SMG5: variants seen among roughly 807,000 people sequenced by gnomAD.
The protein encoded by SMG5 is SMG5 nonsense mediated mRNA decay factor.
SMG5 carries 53 observed loss-of-function variants against 122.9 expected under a neutral mutation model. The observed-to-expected ratio is 0.43, with a 90% CI of 0.35 to 0.54. The LOEUF (loss-of-function observed/expected upper bound fraction) is 0.54, where lower values mean the gene tolerates loss of function less well. Among genes scored for constraint, SMG5 ranks in the 20% least tolerant of loss-of-function variants. The pLI is 0.01. For missense variants in SMG5, 1,153 were observed against 1,285.6 expected, an observed-to-expected ratio of 0.90 and a Z score of 1.58; for synonymous variants, 477 against 490.2, an observed-to-expected ratio of 0.97 and a Z score of 0.35.
chr1:156,266,269 A>G lies in SMG5; in HGVS notation c.1367T>C (p.Leu456Pro). The G allele has an allele frequency of 6.2e-7, 1 of 1,614,102 alleles. No homozygotes were observed. Among genetic ancestry groups the G allele is most frequent in the Non-Finnish European group, 8.5e-7 (1 of 1,180,024 alleles). The change falls in exon 12 of 22, where the codon CTC becomes CCC. Residue 456 changes from leucine (L) to proline (P), a missense_variant. Leu to Pro is a moderately conservative substitution (Grantham distance 98, BLOSUM62 -3). Coordinates refer to ENST00000361813, the MANE Select transcript of SMG5 (RefSeq NM_015327.3). The stretch of plus-strand genomic sequence containing the variant: ...GTGGCGGCGACGGCGGAGACAGGAG[A>G]GGCGAGAGAACTTACGGCTCTTTCT... The part of the protein sequence containing the change: ...EGRKSRKFSR[L>P]SCLRRRRHPP...
chr1:156,251,136 G>A (rs1442750510), intron 20 of SMG5, 140 bp from the exon 21 acceptor site: 2 of 1,169,116 alleles, frequency 1.7e-6, no homozygotes, highest in East Asian at 4.7e-5. Flanking sequence ...TGGCCCTGGA[G>A]ACATATGGGG....
rs865810251 is a variant in SMG5 at position 156,282,784 on chromosome 1, G to C, written c.-104C>G. On this transcript the variant is annotated 5_prime_UTR_variant, in exon 1 of 22. Coordinates refer to ENST00000361813, the MANE Select transcript of SMG5 (RefSeq NM_015327.3). The stretch of plus-strand genomic sequence containing the variant: ...GTAGCCGCAGCCGCCGCCGCCACCG[G>C]CCCTGCTCGGCCGCCATCGCTGTGA... The C allele has an allele frequency of 8.0e-7, 1 of 1,253,322 alleles. No individual in the cohort carries two copies. The highest frequency in any genetic ancestry group is 1.1e-6 in the Non-Finnish European group (1 of 929,654). The allele number at this position is 1,253,322 out of a possible 1,614,324, so 77.6% of individuals were successfully genotyped here. A position where few individuals can be genotyped will look rare whatever the true frequency, so the allele number is the denominator to read the frequency against.
At chr1:156,285,713 C>T (rs201308002), upstream of SMG5, 37 of 1,613,312 alleles carry the variant, frequency 2.3e-5, no homozygotes, top group Non-Finnish European at 2.9e-5. Flanking sequence ...CATGCCCCCC[C>T]GGGTCACCCA....
chr1:156,281,996 C>G (rs1662972297), intron 1 of SMG5, among the ~76,000 whole-genome samples: 2 of 152,196 alleles, frequency 1.3e-5, no homozygotes, highest in South Asian at 4.1e-4. Flanking sequence ...CCGGAATTGC[C>G]TCCCAAATCC....
At chr1:156,254,537 G>A (rs1360292573) in intron 16 of SMG5, among the ~76,000 whole-genome samples, 2 of 152,030 alleles carry the variant, frequency 1.3e-5, no homozygotes, top group East Asian at 1.9e-4. Context: ...TCTGCCTCCC[G>A]GGCTCAAATG....
At chr1:156,285,596 AAAGC>A, upstream of SMG5, 2 of 1,614,224 alleles carry the variant, frequency 1.2e-6, no homozygotes, top group Non-Finnish European at 1.7e-6. Flanking sequence ...GCTGCCTGAG[AAAGC>A]GGCCCGTGCC....
intron 13 of SMG5, among the ~76,000 whole-genome samples, chr1:156,262,718 T>C (rs1040754985): frequency 6.6e-6 from 1 of 152,128 alleles, no homozygotes; most frequent in East Asian, 1.9e-4. Context: ...TCATCAGACA[T>C]AAGCACACAC....
chr1:156,272,150 T>A (rs1662464809), intron 7 of SMG5, among the ~76,000 whole-genome samples, 170 bp downstream of exon 7: 1 of 152,178 alleles, frequency 6.6e-6, no homozygotes, highest in African/African-American at 2.4e-5. Context: ...AGCGGTTATG[T>A]GAAAAGCAGC....
At position 156,266,633 on chromosome 1, in the gene SMG5, A is replaced by C. The variant is rs868233310; in HGVS notation, c.1163T>G (p.Phe388Cys). The C allele has an allele frequency of 3.7e-6, 6 of 1,614,126 alleles. No individual in the cohort carries two copies. In the Middle Eastern group the frequency reaches 9.9e-4, roughly 266 times the overall value. Residue 388 changes from phenylalanine to cysteine, a missense_variant, in exon 11 of 22, where the codon TTT becomes TGT. This residue lies in a region of SMG5 where 631 missense variants were observed against 650.6 expected (regional missense o/e 0.97). Transcript: ENST00000361813. ...GTTGACATGATTGACGAGGTGGGAA[A>C]AGAGGGCCAGGGTGAAGGCAATGGC... ...SAAIAFTLALFSHLVNHVNIR... is the reference protein window; with the variant it reads ...SAAIAFTLALCSHLVNHVNIR...
rs748450638 is a variant in SMG5, at chr1:156,261,444, G to C, written c.2032-36C>G. ...AGAAGGGAGAGGAGGCCTTCAGCTAGAGACAGTGGTGGAGAACAGCAGTGA... is the reference window on the plus strand; with the variant it reads ...AGAAGGGAGAGGAGGCCTTCAGCTACAGACAGTGGTGGAGAACAGCAGTGA... On this transcript the variant is annotated intron_variant, in intron 13 of 21. Coordinates refer to ENST00000361813, the MANE Select transcript of SMG5 (RefSeq NM_015327.3). 23 of 1,574,306 alleles carry C rather than the reference G, an allele frequency of 1.5e-5. No individual in the cohort carries two copies. The South Asian group carries it at 1.8e-4, about 12-fold the overall frequency.
In SMG5 at chr1:156,266,607, T is replaced by C. The variant is rs767697196; in HGVS notation, c.1189A>G (p.Ile397Val). Residue 397 changes from isoleucine (I) to valine (V), a missense_variant, in exon 11 of 22, where the codon ATA (isoleucine) becomes GTA (valine). Transcript: ENST00000361813. ...TCTTCCAGCTCAGCCTGCAGCCGTA[T>C]GTTGACATGATTGACGAGGTGGGAA... The part of the protein sequence containing the change: ...LFSHLVNHVN[I>V]RLQAELEEGE... 3 of 1,614,148 alleles carry C rather than the reference T, an allele frequency of 1.9e-6. No individual in the cohort carries two copies. The highest frequency in any genetic ancestry group is 2.2e-5 in the South Asian group (2 of 91,084).
At chr1:156,258,373 A>G (rs543920185) in intron 16 of SMG5, among the ~76,000 whole-genome samples, 1 of 152,356 alleles carries the variant, frequency 6.6e-6, no homozygotes, top group African/African-American at 2.4e-5. Flanking sequence ...GTTTGTTCCC[A>G]CATAACTGAC....
intron 16 of SMG5, among the ~76,000 whole-genome samples, chr1:156,254,416 T>C (rs1433653722): frequency 1.3e-5 from 2 of 152,196 alleles, no homozygotes; most frequent in Admixed American, 1.3e-4. Flanking sequence ...CTGTAAGATA[T>C]GGGGAGCCAC....
intron 10 of SMG5, 123 bp from the exon 11 acceptor site, chr1:156,266,801 CTTTTTTT>C (rs370875877): frequency 3.4e-6 from 3 of 886,450 alleles, no homozygotes; most frequent in Non-Finnish European, 4.8e-6. Flanking sequence ...ATCAAAGATT[CTTTTTTT>C]TTTTTTTTTA....
intron 1 of SMG5, 69 bp downstream of exon 1, chr1:156,282,538 G>A: frequency 1.5e-6 from 2 of 1,333,280 alleles, no homozygotes; most frequent in Non-Finnish European, 2.0e-6. Context: ...CCGCCCGCCC[G>A]GGAGGCCCCG....
intron 7 of SMG5, among the ~76,000 whole-genome samples, chr1:156,270,938 C>T (rs200142977): frequency 1.3e-4 from 19 of 150,866 alleles, no homozygotes; most frequent in East Asian, 3.9e-4. Flanking sequence ...ACCCGGGAGG[C>T]GGAGGTTGCA....
intron 12 of SMG5, 128 bp downstream of exon 12, chr1:156,265,653 C>G (rs933091243): frequency 7.2e-7 from 1 of 1,395,808 alleles, no homozygotes; most frequent in Non-Finnish European, 9.7e-7. Context: ...GGCTACACCA[C>G]AGGCAGAGGG....
At chr1:156,279,914 C>T (rs1475863228) in intron 1 of SMG5, among the ~76,000 whole-genome samples, 1 of 152,172 alleles carries the variant, frequency 6.6e-6, no homozygotes, top group Non-Finnish European at 1.5e-5. Context: ...TTCTTACCAG[C>T]TATGTGGTCC....
chr1:156,275,312 T>C (rs910760594), intron 4 of SMG5, among the ~76,000 whole-genome samples: 2 of 152,188 alleles, frequency 1.3e-5, no homozygotes, highest in Admixed American at 1.3e-4. Context: ...AGGCTGCTGA[T>C]GGCCAAAGTC....
Sources: allele counts gnomAD v4.1 joint callset (sites outside exome capture counted in the v4.1 genomes callset), GRCh38; gene constraint gnomAD v4.1.1; regional missense constraint gnomAD v4.1.1; transcripts MANE v1.5; gene names NCBI Gene and HGNC (gene_info 2026-07-23, HGNC 2026-07-21).